The following ADAMTS17 variants were observed in gnomAD, a reference collection of about 807,000 sequenced individuals.
ADAMTS17 encodes A disintegrin and metalloproteinase with thrombospondin motifs 17.
In ADAMTS17, 113 loss-of-function variants were observed where a neutral mutation model predicts 141.5. That is an observed-to-expected ratio of 0.80 (90% CI 0.69 to 0.93). ADAMTS17 has a LOEUF of 0.93. Among genes scored for constraint, ADAMTS17 ranks in the 40% least tolerant of loss-of-function variants. The pLI is 0.00. For synonymous variants in ADAMTS17, 768 were observed against 630.6 expected, an observed-to-expected ratio of 1.22 and a Z score of -3.27; for missense variants, 1,659 against 1,517.9, an observed-to-expected ratio of 1.09 and a Z score of -1.54.
chr15:100,284,368 G>A (rs1003784625), intron 3 of ADAMTS17, among the ~76,000 whole-genome samples: 1 of 152,198 alleles, frequency 6.6e-6, no homozygotes, highest in Admixed American at 6.5e-5. Flanking sequence ...CTAGCACACA[G>A]GTGGGGGGAA....
chr15:99,976,526 C>CTGTT, intron 20 of ADAMTS17: 1 of 558,120 alleles, frequency 1.8e-6, no homozygotes, highest in Non-Finnish European at 3.2e-6. Context: ...TGATAGAAGA[C>CTGTT]TGTTTCAAGA....
At chr15:100,089,439 C>G (rs1360025907) in intron 15 of ADAMTS17, among the ~76,000 whole-genome samples, 4 of 150,254 alleles carry the variant, frequency 2.7e-5, no homozygotes, top group Admixed American at 6.7e-5. Flanking sequence ...CCTCAGGGAT[C>G]TAGAACTAGA....
chr15:100,006,088 C>T (rs2061031699), intron 18 of ADAMTS17, among the ~76,000 whole-genome samples: 1 of 152,198 alleles, frequency 6.6e-6, no homozygotes, highest in Admixed American at 6.5e-5. Flanking sequence ...AGTATGATAT[C>T]ATTTTACCTA....
intron 17 of ADAMTS17, among the ~76,000 whole-genome samples, chr15:100,050,463 G>A (rs1003875061): frequency 1.3e-5 from 2 of 152,184 alleles, no homozygotes; most frequent in Non-Finnish European, 2.9e-5. Flanking sequence ...AGGATGCAGG[G>A]CTGATGGTGG....
At chr15:100,055,126 T>G (rs77749705) in intron 15 of ADAMTS17, among the ~76,000 whole-genome samples, 2,402 of 152,266 alleles carry the variant, frequency 0.016, 57 homozygotes, top group East Asian at 0.1. Context: ...CTCAGTCCTA[T>G]GCCCACACTC....
chr15:100,040,834 C>A (rs1405024426), intron 18 of ADAMTS17, among the ~76,000 whole-genome samples: 1 of 152,178 alleles, frequency 6.6e-6, no homozygotes, highest in Non-Finnish European at 1.5e-5. Flanking sequence ...AGCATCTTGG[C>A]AATCTAAATT....
At chr15:100,112,879 G>A (rs968786056) in intron 13 of ADAMTS17, among the ~76,000 whole-genome samples, 11 of 152,134 alleles carry the variant, frequency 7.2e-5, no homozygotes, top group Admixed American at 2.6e-4. Flanking sequence ...ACATGTGCCC[G>A]CTGGAGGTTT....
At chr15:100,075,121 A>G (rs926187888) in intron 15 of ADAMTS17, among the ~76,000 whole-genome samples, 1 of 152,190 alleles carries the variant, frequency 6.6e-6, no homozygotes, top group Non-Finnish European at 1.5e-5. Flanking sequence ...GTCCCTGGAT[A>G]TTACAAAATA....
At chr15:100,137,201 G>A (rs1311148971) in intron 10 of ADAMTS17, among the ~76,000 whole-genome samples, 8 of 152,180 alleles carry the variant, frequency 5.3e-5, no homozygotes, top group South Asian at 2.1e-4. Context: ...TGAAACCAAC[G>A]TAGGAATGGG....
chr15:100,333,187 C>T (rs2046107031), intron 2 of ADAMTS17, among the ~76,000 whole-genome samples: 1 of 152,186 alleles, frequency 6.6e-6, no homozygotes, highest in South Asian at 2.1e-4. Flanking sequence ...CCCACTACCC[C>T]ATGTTATAGG....
At chr15:100,029,953 C>G (rs1441011026) in intron 18 of ADAMTS17, among the ~76,000 whole-genome samples, 1 of 152,192 alleles carries the variant, frequency 6.6e-6, no homozygotes, top group Non-Finnish European at 1.5e-5. Flanking sequence ...GGGAGTGGGG[C>G]CCAGCACTCT....
At chr15:100,001,939 A>C (rs2141364547) in intron 18 of ADAMTS17, among the ~76,000 whole-genome samples, 1 of 138,040 alleles carries the variant, frequency 7.2e-6, no homozygotes, top group South Asian at 2.5e-4. Flanking sequence ...ACTGCACTCC[A>C]GCCTGCCAGC....
At chr15:100,206,060 C>G (rs1173861729) in intron 7 of ADAMTS17, among the ~76,000 whole-genome samples, 2 of 152,212 alleles carry the variant, frequency 1.3e-5, no homozygotes, top group Admixed American at 6.5e-5. Context: ...ATTCTGACCG[C>G]TCTCTCGGCA....
At chr15:100,323,738 T>C (rs2045807764) in intron 3 of ADAMTS17, among the ~76,000 whole-genome samples, 1 of 152,206 alleles carries the variant, frequency 6.6e-6, no homozygotes, top group Non-Finnish European at 1.5e-5. Flanking sequence ...ATGAACTAGA[T>C]TTGCATTTAT....
intron 18 of ADAMTS17, among the ~76,000 whole-genome samples, chr15:100,043,855 G>T (rs1365484293): frequency 2.0e-5 from 3 of 152,236 alleles, no homozygotes; most frequent in Non-Finnish European, 4.4e-5. Context: ...CAACACGGCA[G>T]GACTGTGGTC....
rs373088427 is a variant in ADAMTS17 at position 100,195,210 on chromosome 15, AG to A, written c.1181+4107del. Among the ~76,000 whole-genome samples, 59 of 152,360 alleles carry A rather than the reference AG, an allele frequency of 3.9e-4. No individual in the cohort carries two copies. The East Asian group carries it at 6.9e-3, about 18-fold the overall frequency. On this transcript the variant is annotated intron_variant, in intron 8 of 21. Coordinates refer to ENST00000268070, the MANE Select transcript of ADAMTS17 (RefSeq NM_139057.4). ...CTGACTCTGCCTCCAGGCAGCAGCA[AG>A]GGTGGCCCCTCTGCAGCTTCTCACA...
rs147637554 is a variant in ADAMTS17 at position 100,179,950 on chromosome 15, T to C, written c.1181+19368A>G. ...AATCTCTTGTCAGATGGGTAGTTTG[T>C]AAATATTTTCTCCCATTCTGTGGGG... On this transcript the variant is annotated intron_variant, in intron 8 of 21. Transcript: ENST00000268070. 2.7e-3 allele frequency among the ~76,000 whole-genome samples: 405 copies of C among 152,322 alleles called. 1 individual carries two copies. The highest frequency in any genetic ancestry group is 9.4e-3 in the African/African-American group (391 of 41,564).
chr15:100,244,118 C>A (rs1237645386), intron 7 of ADAMTS17, among the ~76,000 whole-genome samples: 2 of 151,952 alleles, frequency 1.3e-5, no homozygotes, highest in African/African-American at 4.8e-5. Flanking sequence ...TGGTGGCAGG[C>A]CAGAGAGAGC....
intron 2 of ADAMTS17, among the ~76,000 whole-genome samples, chr15:100,334,187 T>C (rs1197465449): frequency 1.3e-5 from 2 of 152,198 alleles, no homozygotes; most frequent in Non-Finnish European, 2.9e-5. Context: ...CTCACTGCAG[T>C]GTGGAAAGTG....
Sources: allele counts gnomAD v4.1 joint callset (sites outside exome capture counted in the v4.1 genomes callset), GRCh38; gene constraint gnomAD v4.1.1; transcripts MANE v1.5; gene names NCBI Gene and HGNC (gene_info 2026-07-23, HGNC 2026-07-21).